The following ADAMTS17 variants were observed in gnomAD, a reference collection of about 807,000 sequenced individuals.
ADAMTS17 encodes ADAM metallopeptidase with thrombospondin type 1 motif 17.
A neutral mutation model predicts 141.5 loss-of-function variants in ADAMTS17; 113 were observed. That is an observed-to-expected ratio of 0.80 (90% CI 0.69 to 0.93). The LOEUF (loss-of-function observed/expected upper bound fraction) is 0.93, where lower values mean the gene tolerates loss of function less well. ADAMTS17 is among the 40% of genes least tolerant of loss of function. ADAMTS17 has a pLI of 0.00. For missense variants in ADAMTS17, 1,659 were observed against 1,517.9 expected (o/e 1.09, Z -1.54); for synonymous variants, 768 against 630.6 (o/e 1.22, Z -3.27).
chr15:100,134,817 A>G (rs1296432953), intron 10 of ADAMTS17, among the ~76,000 whole-genome samples: 1 of 152,222 alleles, frequency 6.6e-6, no homozygotes, highest in African/African-American at 2.4e-5. Context: ...TGGATGGCTC[A>G]AGTGGAATAC....
At chr15:100,128,330 G>C (rs1390182674) in intron 12 of ADAMTS17, 1 of 152,236 alleles carries the variant, frequency 6.6e-6, no homozygotes, top group East Asian at 1.9e-4. Context: ...TGTTGGAAAG[G>C]CTTCATCAGG....
chr15:100,275,404 T>C (rs917781693), intron 4 of ADAMTS17, among the ~76,000 whole-genome samples: 2 of 152,202 alleles, frequency 1.3e-5, no homozygotes, highest in African/African-American at 2.4e-5. Flanking sequence ...AGGATCTTGC[T>C]GGTTATTCTG....
At chr15:100,020,457 C>T (rs1006122242) in intron 18 of ADAMTS17, among the ~76,000 whole-genome samples, 4 of 152,222 alleles carry the variant, frequency 2.6e-5, no homozygotes, top group Non-Finnish European at 2.9e-5. Context: ...TGCAGCTTTA[C>T]GAGCAAGGGA....
chr15:100,187,438 G>C lies in ADAMTS17; in HGVS notation c.1181+11880C>G, dbSNP rs538431528. On this transcript the variant is annotated intron_variant, in intron 8 of 21. Coordinates refer to ENST00000268070, the MANE Select transcript of ADAMTS17 (RefSeq NM_139057.4). ...TGCTATAAACACAAGGACCACTGAAGACTAATGCCAGGCAGGTACCAGGCT... is the reference window on the plus strand; with the variant it reads ...TGCTATAAACACAAGGACCACTGAACACTAATGCCAGGCAGGTACCAGGCT... Among the ~76,000 whole-genome samples, 6 of 152,264 alleles carry C rather than the reference G, an allele frequency of 3.9e-5. No homozygotes were observed. The East Asian group carries it at 1.2e-3, about 29-fold the overall frequency.
At chr15:100,049,260 G>A (rs1362317395) in intron 17 of ADAMTS17, among the ~76,000 whole-genome samples, 4 of 152,198 alleles carry the variant, frequency 2.6e-5, no homozygotes, top group Non-Finnish European at 5.9e-5. Flanking sequence ...GGTGTCCTTG[G>A]ACAGCTTGGG....
Position 100,102,445 on chromosome 15 carries a change from C to T in ADAMTS17, c.2017-5969G>A, listed in dbSNP as rs1283564080. Among the ~76,000 whole-genome samples the T allele has an allele frequency of 9.2e-5, 6 of 65,224 alleles. 2 individuals are homozygous for T. The highest frequency in any genetic ancestry group is 1.1e-3 in the South Asian group (2 of 1,782). The allele number at this position is 65,224 out of a possible 152,430, so 42.8% of individuals were successfully genotyped here. A position where few individuals can be genotyped will look rare whatever the true frequency, so the allele number is the denominator to read the frequency against. ...CCGAAGGGGATCTACATTTGAGGGCCGACCAAAGGGGATCTACATTTGAGG... is the reference window on the plus strand; with the variant it reads ...CCGAAGGGGATCTACATTTGAGGGCTGACCAAAGGGGATCTACATTTGAGG... On this transcript the variant is annotated intron_variant, in intron 14 of 21. Transcript: ENST00000268070.
chr15:100,267,986 T>C (rs2043777552), intron 4 of ADAMTS17, among the ~76,000 whole-genome samples: 1 of 152,234 alleles, frequency 6.6e-6, no homozygotes, highest in Non-Finnish European at 1.5e-5. Context: ...TATTTTATTG[T>C]TGCCATCTTT....
chr15:100,279,715 C>T (rs142308399), intron 4 of ADAMTS17, among the ~76,000 whole-genome samples: 2 of 152,298 alleles, frequency 1.3e-5, no homozygotes, highest in East Asian at 3.9e-4. Context: ...TCGGAACCTT[C>T]GCACCCCTTT....
chr15:100,191,042 G>C (rs2040898261), intron 8 of ADAMTS17, among the ~76,000 whole-genome samples: 1 of 152,220 alleles, frequency 6.6e-6, no homozygotes, highest in African/African-American at 2.4e-5. Context: ...GAGGCTGCCA[G>C]AAGCTCTGAC....
At chr15:100,129,004 T>G (rs2037893923) in intron 12 of ADAMTS17, 1 of 152,240 alleles carries the variant, frequency 6.6e-6, no homozygotes, top group African/African-American at 2.4e-5. Context: ...AAGAGGCACC[T>G]ATGGCATTTG....
At chr15:99,992,393 GAA>G (rs2060707085) in intron 20 of ADAMTS17, among the ~76,000 whole-genome samples, 1 of 152,172 alleles carries the variant, frequency 6.6e-6, no homozygotes, top group Admixed American at 6.5e-5. Flanking sequence ...GAAGAGTCTA[GAA>G]AACCCACTAG....
At chr15:100,072,562 T>C (rs996757946) in intron 15 of ADAMTS17, among the ~76,000 whole-genome samples, 13 of 152,178 alleles carry the variant, frequency 8.5e-5, no homozygotes, top group Admixed American at 7.2e-4. Context: ...AACAGAGCTA[T>C]AGACCAATGG....
intron 15 of ADAMTS17, among the ~76,000 whole-genome samples, chr15:100,083,976 G>A (rs952993778): frequency 7.9e-5 from 12 of 152,072 alleles, no homozygotes; most frequent in African/African-American, 2.9e-4. Context: ...ATCTCACTGG[G>A]GAGTGCTGGA....
chr15:100,324,198 G>A (rs1567537901), intron 3 of ADAMTS17, among the ~76,000 whole-genome samples: 3 of 152,018 alleles, frequency 2.0e-5, no homozygotes, highest in Admixed American at 2.0e-4. Context: ...CCAGCTACTT[G>A]GGAGGCTGAG....
intron 7 of ADAMTS17, among the ~76,000 whole-genome samples, chr15:100,213,412 G>C (rs1027523000): frequency 6.6e-6 from 1 of 152,098 alleles, no homozygotes; most frequent in Non-Finnish European, 1.5e-5. Context: ...TCAGAAAATC[G>C]ATGTCAACAT....
At chr15:100,308,361 T>G (rs1175634106) in intron 3 of ADAMTS17, among the ~76,000 whole-genome samples, 1 of 152,138 alleles carries the variant, frequency 6.6e-6, no homozygotes, top group Non-Finnish European at 1.5e-5. Flanking sequence ...AAGACGACAG[T>G]TGTAAATCTC....
chr15:100,017,626 C>A (rs779916352), intron 18 of ADAMTS17, among the ~76,000 whole-genome samples: 9 of 152,186 alleles, frequency 5.9e-5, no homozygotes, highest in Non-Finnish European at 8.8e-5. Flanking sequence ...CGAAAACAGA[C>A]CTTCATTTTC....
In ADAMTS17 at chr15:100,121,812, G is replaced by C. The variant is rs142356986; in HGVS notation, c.1722-4799C>G. Among the ~76,000 whole-genome samples the C allele has an allele frequency of 2.1e-3, 320 of 152,126 alleles. 2 individuals carry two copies. Among genetic ancestry groups the C allele is most frequent in the African/African-American group, 7.0e-3 (290 of 41,510 alleles). On this transcript the variant is annotated intron_variant, in intron 12 of 21. Transcript: ENST00000268070. ...TCTCAGCATGCTTCTTCAGTGGCCTGTGATGCATTCCACCTCCCTGTGGAC... is the reference window on the plus strand; with the variant it reads ...TCTCAGCATGCTTCTTCAGTGGCCTCTGATGCATTCCACCTCCCTGTGGAC...
intron 20 of ADAMTS17, among the ~76,000 whole-genome samples, chr15:99,990,626 C>CTTTT (rs10593374): frequency 7.2e-6 from 1 of 138,490 alleles, no homozygotes; most frequent in Non-Finnish European, 1.6e-5. Context: ...GGAAATTTGG[C>CTTTT]TTTTTTTTTT....
Sources: gnomAD v4.1 joint callset for allele counts (sites outside exome capture counted in the v4.1 genomes callset) on GRCh38, gnomAD v4.1.1 for gene constraint, MANE v1.5 for transcripts, NCBI Gene and HGNC (gene_info 2026-07-23, HGNC 2026-07-21) for gene names.